SPATA16: variants seen among roughly 807,000 people sequenced by gnomAD.
SPATA16 encodes spermatogenesis-associated protein 16.
SPATA16 carries 36 observed loss-of-function variants against 63.3 expected under a neutral mutation model. That is an observed-to-expected ratio of 0.57 (90% CI 0.44 to 0.75). SPATA16 has a LOEUF of 0.75. SPATA16 is among the 30% of genes least tolerant of loss of function. The probability of loss-of-function intolerance (pLI) is 0.00; values close to 1 mark genes in which losing one functional copy is unlikely to be tolerated. For missense variants in SPATA16, 646 were observed against 679.3 expected (o/e 0.95, Z 0.54); for synonymous variants, 203 against 216.7 (o/e 0.94, Z 0.56).
intron 3 of SPATA16, among the ~76,000 whole-genome samples, chr3:173,024,297 G>C (rs1213652414): frequency 6.6e-6 from 1 of 151,242 alleles, no homozygotes; most frequent in Non-Finnish European, 1.5e-5. Context: ...TACTACATAG[G>C]CTAAATTTTT....
chr3:173,028,771 A>G (rs553429894), intron 3 of SPATA16, among the ~76,000 whole-genome samples: 147 of 152,112 alleles, frequency 9.7e-4, no homozygotes, highest in African/African-American at 3.4e-3. Context: ...TTCAAATAAC[A>G]AGTGATGTTT....
At chr3:173,028,097 C>G (rs1735510861) in intron 3 of SPATA16, among the ~76,000 whole-genome samples, 1 of 144,198 alleles carries the variant, frequency 6.9e-6, no homozygotes, top group Non-Finnish European at 1.5e-5. Context: ...CTCTTTCTTT[C>G]TTTCAATTTC....
intron 4 of SPATA16, among the ~76,000 whole-genome samples, chr3:172,985,544 C>A (rs1376757415): frequency 6.6e-6 from 1 of 152,122 alleles, no homozygotes; most frequent in Non-Finnish European, 1.5e-5. Context: ...CACAAAGAAC[C>A]TTGCAAATGT....
intron 10 of SPATA16, 138 bp downstream of exon 10, chr3:172,913,523 C>T (rs1209267580): frequency 2.7e-6 from 2 of 748,458 alleles, no homozygotes; most frequent in Non-Finnish European, 4.5e-6. Context: ...AGGGAGAGAG[C>T]TGCATTTAAT....
chr3:173,077,396 C>T (rs1577162865), intron 2 of SPATA16, among the ~76,000 whole-genome samples: 1 of 152,052 alleles, frequency 6.6e-6, no homozygotes, highest in African/African-American at 2.4e-5. Flanking sequence ...ATAAAGGGAT[C>T]GGAATTCCTG....
At chr3:172,977,660 C>G (rs2108251592) in intron 4 of SPATA16, among the ~76,000 whole-genome samples, 1 of 152,212 alleles carries the variant, frequency 6.6e-6, no homozygotes, top group East Asian at 1.9e-4. Flanking sequence ...AACTATTGTG[C>G]AATGGATATT....
chr3:173,108,133 G>A (rs1331966114), intron 2 of SPATA16, among the ~76,000 whole-genome samples: 1 of 152,028 alleles, frequency 6.6e-6, no homozygotes, highest in Non-Finnish European at 1.5e-5. Flanking sequence ...AGCTTCCTAT[G>A]GATTAATTGT....
At position 172,916,437 on chromosome 3, in the gene SPATA16, A is replaced by G. The variant is rs1577088073; in HGVS notation, c.1383T>C (p.Tyr461=). ...TCTGCAGCTGGCTGAGGAGGCTGGC[A>G]TATTGCAACTTCTCCATCACACCTG... The part of the protein sequence containing the change: ...ASSGVMEKLQ[Y]ASLLSQLQRV... Residue 461 remains tyrosine, a synonymous_variant, in exon 9 of 11, where the codon TAT becomes TAC. Coordinates refer to ENST00000351008, the MANE Select transcript of SPATA16 (RefSeq NM_031955.6). The G allele has an allele frequency of 2.5e-6, 4 of 1,613,852 alleles. No homozygotes were observed. Among genetic ancestry groups the G allele is most frequent in the Non-Finnish European group, 2.5e-6 (3 of 1,179,812 alleles).
chr3:172,925,324 C>G (rs1433653527), intron 7 of SPATA16, 22 bp downstream of exon 7: 1 of 1,613,534 alleles, frequency 6.2e-7, no homozygotes, highest in South Asian at 1.1e-5. Flanking sequence ...TATGCTAGAC[C>G]TTGTAGGTTC....
At chr3:172,961,117 CCTTCCTTCCTTT>C (rs1733772885) in intron 5 of SPATA16, among the ~76,000 whole-genome samples, 3 of 144,022 alleles carry the variant, frequency 2.1e-5, no homozygotes, top group Middle Eastern at 3.4e-3. Context: ...TTCCTTCCTT[CCTTCCTTCCTTT>C]CTCTTTCTTG....
intron 5 of SPATA16, among the ~76,000 whole-genome samples, chr3:172,973,448 G>A (rs1370422626): frequency 2.0e-5 from 3 of 152,158 alleles, no homozygotes; most frequent in Non-Finnish European, 4.4e-5. Flanking sequence ...TGGGAGTTCT[G>A]TGATACAATT....
At chr3:173,133,737 T>C (rs1738448931) in intron 1 of SPATA16, among the ~76,000 whole-genome samples, 2 of 152,070 alleles carry the variant, frequency 1.3e-5, no homozygotes, top group African/African-American at 2.4e-5. Flanking sequence ...AGTGGGAAAT[T>C]GTAACACAAC....
chr3:173,123,013 G>A (rs1738122789), intron 1 of SPATA16, among the ~76,000 whole-genome samples: 1 of 152,160 alleles, frequency 6.6e-6, no homozygotes, highest in African/African-American at 2.4e-5. Context: ...AAGATATTTG[G>A]GAAAGATTTT....
intron 2 of SPATA16, 104 bp downstream of exon 2, chr3:173,117,016 C>T (rs570753894): frequency 8.6e-7 from 1 of 1,161,642 alleles, no homozygotes; most frequent in African/African-American, 1.5e-5. Flanking sequence ...ATCCTCACCT[C>T]ATGATCACTG....
intron 6 of SPATA16, among the ~76,000 whole-genome samples, chr3:172,925,974 C>T (rs1455093287): frequency 2.6e-5 from 4 of 151,878 alleles, no homozygotes; most frequent in African/African-American, 7.2e-5. Flanking sequence ...TACAGGCGCC[C>T]GCCACCGCGC....
intron 2 of SPATA16, among the ~76,000 whole-genome samples, chr3:173,087,171 A>G (rs1737081027): frequency 6.6e-6 from 1 of 152,214 alleles, no homozygotes; most frequent in Non-Finnish European, 1.5e-5. Flanking sequence ...GTCTCATTGT[A>G]GGTCTCTAAG....
chr3:172,932,550 T>C (rs1413966851), intron 6 of SPATA16, among the ~76,000 whole-genome samples: 1 of 152,144 alleles, frequency 6.6e-6, no homozygotes, highest in East Asian at 1.9e-4. Flanking sequence ...TTCTCAATCG[T>C]GTTCTGAGTT....
intron 2 of SPATA16, among the ~76,000 whole-genome samples, chr3:173,110,663 A>G (rs1316267559): frequency 6.6e-6 from 1 of 152,216 alleles, no homozygotes; most frequent in African/African-American, 2.4e-5. Context: ...TATCATTTCT[A>G]CTTAATGGCA....
At chr3:173,127,467 A>G (rs1045927063) in intron 1 of SPATA16, among the ~76,000 whole-genome samples, 2 of 152,090 alleles carry the variant, frequency 1.3e-5, no homozygotes, top group African/African-American at 4.8e-5. Context: ...TTTTTCTCCA[A>G]GATAATGTAT....
Sources: gnomAD v4.1 joint callset for allele counts (sites outside exome capture counted in the v4.1 genomes callset) on GRCh38, gnomAD v4.1.1 for gene constraint, MANE v1.5 for transcripts, NCBI Gene and HGNC (gene_info 2026-07-23, HGNC 2026-07-21) for gene names.